IL1RAP: variants seen among roughly 807,000 people sequenced by gnomAD.
The protein encoded by IL1RAP is interleukin 1 receptor accessory protein.
IL1RAP carries 35 observed loss-of-function variants against 60.7 expected under a neutral mutation model. That is an observed-to-expected ratio of 0.58 (90% CI 0.44 to 0.76). The LOEUF is 0.76. Among genes scored for constraint, IL1RAP ranks in the 30% least tolerant of loss-of-function variants. The pLI is 0.00. For synonymous variants in IL1RAP, 268 were observed against 250.9 expected (o/e 1.07, Z -0.64); for missense variants, 572 against 693.9 (o/e 0.82, Z 1.97).
chr3:190,564,561 A>G (rs1054510053), intron 3 of IL1RAP: 1 of 576,028 alleles, frequency 1.7e-6, no homozygotes, highest in African/African-American at 1.9e-5. Flanking sequence ...TAGAGTACAC[A>G]GGGGGCAGTG....
intron 1 of IL1RAP, among the ~76,000 whole-genome samples, chr3:190,544,870 T>A (rs1045198663): frequency 6.6e-6 from 1 of 152,204 alleles, no homozygotes; most frequent in Non-Finnish European, 1.5e-5. Flanking sequence ...CTAATGTTTC[T>A]CTAAACTGAG....
chr3:190,518,937 G>T (rs1560132650), intron 1 of IL1RAP: 1 of 152,204 alleles, frequency 6.6e-6, no homozygotes, highest in Non-Finnish European at 1.5e-5. Context: ...CACAAAGCAA[G>T]ACATGATGCT....
intron 2 of IL1RAP, among the ~76,000 whole-genome samples, chr3:190,562,679 C>G (rs28379310): frequency 0.092 from 13,440 of 146,686 alleles, 657 homozygotes; most frequent in East Asian, 0.12. Context: ...TTGCCTGTAT[C>G]AAAACATATC....
intron 8 of IL1RAP, among the ~76,000 whole-genome samples, chr3:190,628,665 T>C (rs1280737779): frequency 6.6e-6 from 1 of 152,222 alleles, no homozygotes; most frequent in African/African-American, 2.4e-5. Context: ...TCATAACAGC[T>C]TTCTCTTTTT....
intron 3 of IL1RAP, among the ~76,000 whole-genome samples, chr3:190,592,373 T>C (rs1248728330): frequency 5.3e-5 from 8 of 152,192 alleles, no homozygotes; most frequent in African/African-American, 1.9e-4. Context: ...TGTATTACCT[T>C]CCTTATTCTG....
chr3:190,540,618 T>C (rs1363588251), intron 1 of IL1RAP, among the ~76,000 whole-genome samples: 1 of 152,082 alleles, frequency 6.6e-6, no homozygotes, highest in African/African-American at 2.4e-5. Flanking sequence ...GAATTAGTCT[T>C]TCCATGTGTC....
chr3:190,658,923 T>G (rs775645062), exon 12 of IL1RAP: 4 of 152,320 alleles, frequency 2.6e-5, no homozygotes, highest in Non-Finnish European at 4.4e-5. Flanking sequence ...GAAAATGACT[T>G]AGCACAACCC....
chr3:190,547,770 A>C (rs1454887820), intron 1 of IL1RAP, among the ~76,000 whole-genome samples: 1 of 152,174 alleles, frequency 6.6e-6, no homozygotes, highest in Non-Finnish European at 1.5e-5. Flanking sequence ...AACTCTTCCT[A>C]ATAAAACTAG....
intron 3 of IL1RAP, among the ~76,000 whole-genome samples, chr3:190,595,941 G>T (rs1360360244): frequency 1.3e-5 from 2 of 152,122 alleles, no homozygotes; most frequent in Non-Finnish European, 2.9e-5. Flanking sequence ...TCTGATACAG[G>T]TTCAGCTAAT....
At position 190,573,228 on chromosome 3, in the gene IL1RAP, C is replaced by T. The variant is rs372724791; in HGVS notation, c.64+8875C>T. Among the ~76,000 whole-genome samples the T allele has an allele frequency of 9.2e-5, 14 of 152,128 alleles. No individual in the cohort carries two copies. The East Asian group carries it at 1.5e-3, about 17-fold the overall frequency. On this transcript the variant is annotated intron_variant, in intron 3 of 11. Transcript: ENST00000447382. ...GTGGAGACTTAAAGCTTTGCATGCC[C>T]CTCAGGATAATGAAGGAAGAAGAGA...
At chr3:190,572,732 C>A (rs1727037654) in intron 3 of IL1RAP, among the ~76,000 whole-genome samples, 1 of 151,880 alleles carries the variant, frequency 6.6e-6, no homozygotes, top group African/African-American at 2.4e-5. Context: ...CATTCTTACT[C>A]TTTCCCTCCT....
intron 8 of IL1RAP, among the ~76,000 whole-genome samples, chr3:190,628,191 G>T (rs1431146984): frequency 6.6e-6 from 1 of 152,122 alleles, no homozygotes; most frequent in East Asian, 1.9e-4. Flanking sequence ...TGCAAATGAA[G>T]CATACCATTA....
chr3:190,588,004 T>C (rs1728612785), intron 3 of IL1RAP, among the ~76,000 whole-genome samples: 1 of 152,240 alleles, frequency 6.6e-6, no homozygotes, highest in Non-Finnish European at 1.5e-5. Flanking sequence ...GGATTTGCAG[T>C]CTTTGGTGGG....
chr3:190,520,143 T>C (rs796399982), intron 1 of IL1RAP, among the ~76,000 whole-genome samples: 1 of 152,064 alleles, frequency 6.6e-6, no homozygotes, highest in Non-Finnish European at 1.5e-5. Flanking sequence ...ATTGGGATGG[T>C]AAAGGATAGG....
At chr3:190,579,992 G>A (rs917905132) in intron 3 of IL1RAP, among the ~76,000 whole-genome samples, 6 of 152,162 alleles carry the variant, frequency 3.9e-5, no homozygotes, top group Admixed American at 2.0e-4. Context: ...GCACCTGTGT[G>A]TGATTTCCAA....
intron 1 of IL1RAP, among the ~76,000 whole-genome samples, chr3:190,540,471 T>C (rs1398201730): frequency 6.6e-6 from 1 of 152,128 alleles, no homozygotes; most frequent in South Asian, 2.1e-4. Context: ...GTCCTGGCTG[T>C]GCAATGAACC....
chr3:190,578,107 A>G (rs983348139), intron 3 of IL1RAP, among the ~76,000 whole-genome samples: 1 of 152,156 alleles, frequency 6.6e-6, no homozygotes, highest in East Asian at 1.9e-4. Flanking sequence ...TCGGGTATCT[A>G]TACCCCAAAC....
At chr3:190,622,904 A>G (rs1731903434) in intron 6 of IL1RAP, among the ~76,000 whole-genome samples, 2 of 152,284 alleles carry the variant, frequency 1.3e-5, no homozygotes, top group East Asian at 3.9e-4. Context: ...TTAATCATCT[A>G]TGGTCTTTCT....
chr3:190,545,203 A>G lies in IL1RAP; in HGVS notation c.-88-10927A>G, dbSNP rs143549186. 5.3e-4 allele frequency among the ~76,000 whole-genome samples: 81 copies of G among 152,300 alleles called. 1 individual carries two copies. In the East Asian group the frequency reaches 0.014, roughly 26 times the overall value. Reference sequence around the variant, plus strand: ...AGAGGACTGAAATAATAAGACATTAATTTCAGCTGTAGAATGCCGATGTTG... The same window carrying G: ...AGAGGACTGAAATAATAAGACATTAGTTTCAGCTGTAGAATGCCGATGTTG... On this transcript the variant is annotated intron_variant, in intron 1 of 11. Transcript: ENST00000447382.
Sources: gnomAD v4.1 joint callset for allele counts (sites outside exome capture counted in the v4.1 genomes callset) on GRCh38, gnomAD v4.1.1 for gene constraint, MANE v1.5 for transcripts, NCBI Gene and HGNC (gene_info 2026-07-23, HGNC 2026-07-21) for gene names.